The following CDH18 variants were observed in gnomAD, a reference collection of about 807,000 sequenced individuals.
The protein encoded by CDH18 is cadherin 18, also known as cadherin-18.
A neutral mutation model predicts 67.9 loss-of-function variants in CDH18; 31 were observed. That is an observed-to-expected ratio of 0.46 (90% confidence interval 0.34 to 0.62). The LOEUF is 0.62. Among genes scored for constraint, CDH18 ranks in the 20% least tolerant of loss-of-function variants. The probability of loss-of-function intolerance (pLI) is 0.01; values close to 1 mark genes in which losing one functional copy is unlikely to be tolerated. For missense variants in CDH18, 890 were observed against 975.5 expected, an observed-to-expected ratio of 0.91 and a Z score of 1.17; for synonymous variants, 362 against 347.2, an observed-to-expected ratio of 1.04 and a Z score of -0.48.
rs368998098 is a variant in CDH18, at chr5:20,074,959, T to C, written c.-517-82945A>G. On this transcript the variant is annotated intron_variant, in intron 2 of 14. Transcript: ENST00000507958. ...TAAATACCTATATTATTGTCTATGA[T>C]AGATTCAGTATCTGAAACCTATGCA... Among the ~76,000 whole-genome samples, 66 of 152,326 alleles carry C rather than the reference T, an allele frequency of 4.3e-4. 3 individuals are homozygous for C. The East Asian group carries it at 0.012, about 29-fold the overall frequency.
intron 10 of CDH18, among the ~76,000 whole-genome samples, chr5:19,512,252 G>A (rs1745241486): frequency 2.6e-5 from 4 of 152,100 alleles, no homozygotes; most frequent in Admixed American, 1.3e-4. Flanking sequence ...AAATGATCTT[G>A]AAATTTAAAA....
At chr5:20,054,740 T>G (rs151179055) in intron 2 of CDH18, among the ~76,000 whole-genome samples, 18 of 152,324 alleles carry the variant, frequency 1.2e-4, no homozygotes, top group African/African-American at 4.3e-4. Flanking sequence ...GTCTCTCAAT[T>G]TTTTAGTTAC....
chr5:20,156,894 A>C (rs1050898364), intron 2 of CDH18, among the ~76,000 whole-genome samples: 14 of 152,224 alleles, frequency 9.2e-5, no homozygotes, highest in African/African-American at 2.7e-4. Context: ...TTAAAATGCC[A>C]ATACATCTAA....
At chr5:20,201,609 A>C (rs1289910620) in intron 2 of CDH18, among the ~76,000 whole-genome samples, 2 of 152,168 alleles carry the variant, frequency 1.3e-5, no homozygotes, top group African/African-American at 4.8e-5. Context: ...ACATATAACA[A>C]ACAGTATCTA....
At chr5:19,954,638 T>C (rs751951278) in intron 2 of CDH18, among the ~76,000 whole-genome samples, 1 of 151,932 alleles carries the variant, frequency 6.6e-6, no homozygotes, top group Non-Finnish European at 1.5e-5. Flanking sequence ...GAGACCAAGA[T>C]AACCAATCTG....
intron 6 of CDH18, 54 bp downstream of exon 6, chr5:19,612,380 T>G: frequency 1.3e-6 from 2 of 1,550,412 alleles, no homozygotes; most frequent in Non-Finnish European, 1.8e-6. Context: ...TATTTCATTT[T>G]ACTTTACATA....
chr5:19,957,800 CTATT>C (rs777486148), intron 2 of CDH18, among the ~76,000 whole-genome samples: 8 of 151,696 alleles, frequency 5.3e-5, no homozygotes, highest in South Asian at 2.1e-4. Flanking sequence ...CAATAGAAGA[CTATT>C]TATTTTCAGA....
chr5:19,571,662 C>T lies in CDH18; in HGVS notation c.1170G>A (p.Met390Ile). ...CAATCTTGGCATTTTCGTAGACTTC[C>T]ATGAGGTAGGAAGGCATGGAAAATA... is the stretch of plus-strand genomic sequence containing the variant. ...PPLFSMPSYLMEVYENAKIGT... is the reference protein window; with the variant it reads ...PPLFSMPSYLIEVYENAKIGT... Residue 390 changes from methionine to isoleucine, a missense_variant, in exon 8 of 13, where the codon ATG (methionine) becomes ATA (isoleucine). Coordinates refer to ENST00000382275, the MANE Select transcript of CDH18 (RefSeq NM_004934.5). 1.2e-6 allele frequency: 2 copies of T among 1,613,876 alleles called. No homozygotes were observed. Among genetic ancestry groups the T allele is most frequent in the Non-Finnish European group, 1.7e-6 (2 of 1,179,886 alleles).
At chr5:19,611,563 A>G (rs1372927749) in intron 6 of CDH18, among the ~76,000 whole-genome samples, 1 of 152,060 alleles carries the variant, frequency 6.6e-6, no homozygotes, top group African/African-American at 2.4e-5. Context: ...AAGAGACAAG[A>G]GATAAAGTTG....
chr5:20,266,571 A>ATTTTTTTTTTTTTTTT lies in CDH18; in HGVS notation c.-579-11082_-579-11067dup, dbSNP rs34718835. Among the ~76,000 whole-genome samples the ATTTTTTTTTTTTTTTT allele has an allele frequency of 1.1e-3, 65 of 59,186 alleles. 2 individuals carry two copies. Among genetic ancestry groups the ATTTTTTTTTTTTTTTT allele is most frequent in the African/African-American group, 3.2e-3 (45 of 14,118 alleles). 38.8% of individuals were successfully genotyped at this position (59,186 alleles called of 152,430 possible). ...GGCACGTGCCGGCACGCCCGGCTGA[A>ATTTTTTTTTTTTTTTT]TTTTTTTTTTTTTTTTTTTTTTTTT... On this transcript the variant is annotated intron_variant, in intron 1 of 14. Coordinates refer to the CDH18 transcript ENST00000507958.
At chr5:19,929,525 C>T (rs148785144) in intron 2 of CDH18, among the ~76,000 whole-genome samples, 293 of 152,166 alleles carry the variant, frequency 1.9e-3, no homozygotes, top group African/African-American at 6.4e-3. Flanking sequence ...GGAGGCATTA[C>T]GGACACCTTC....
intron 2 of CDH18, among the ~76,000 whole-genome samples, chr5:20,040,656 A>C (rs1343382944): frequency 6.6e-6 from 1 of 152,112 alleles, no homozygotes; most frequent in Non-Finnish European, 1.5e-5. Flanking sequence ...CTTGTTGTTC[A>C]TTCAAAGGGA....
chr5:19,508,301 A>G (rs1744557254), intron 10 of CDH18, among the ~76,000 whole-genome samples: 1 of 152,110 alleles, frequency 6.6e-6, no homozygotes, highest in Admixed American at 6.6e-5. Context: ...AGATATCTAG[A>G]TAATTGCCAG....
intron 8 of CDH18, among the ~76,000 whole-genome samples, chr5:19,549,367 G>A (rs1736931638): frequency 6.6e-6 from 1 of 152,122 alleles, no homozygotes; most frequent in African/African-American, 2.4e-5. Flanking sequence ...AGTTCTCTGA[G>A]GCCAGAAGCA....
intron 1 of CDH18, among the ~76,000 whole-genome samples, chr5:20,401,584 T>C (rs1193228342): frequency 6.6e-6 from 1 of 152,166 alleles, no homozygotes; most frequent in East Asian, 1.9e-4. Context: ...TTTTCTTCTT[T>C]CTCACATAAA....
intron 3 of CDH18, among the ~76,000 whole-genome samples, chr5:19,788,128 C>G (rs1776007299): frequency 6.6e-6 from 1 of 152,018 alleles, no homozygotes; most frequent in Admixed American, 6.6e-5. Flanking sequence ...GAATAAGCAG[C>G]TGAAAAATTA....
At chr5:19,874,399 CACAACAACTTTATGAAACTATA>C (rs546956214) in intron 2 of CDH18, among the ~76,000 whole-genome samples, 115 of 152,240 alleles carry the variant, frequency 7.6e-4, no homozygotes, top group Admixed American at 3.3e-3. Flanking sequence ...TAATATCTTC[CACAACAACTTTATGAAACTATA>C]ACAAAGCATT....
chr5:19,490,182 T>C (rs374103798), intron 11 of CDH18, among the ~76,000 whole-genome samples: 194 of 152,040 alleles, frequency 1.3e-3, no homozygotes, highest in East Asian at 2.9e-3. Flanking sequence ...TTTTAACAAG[T>C]GAATGTATAA....
rs368206822 is a variant in CDH18 at position 20,256,976 on chromosome 5, CTA to C, written c.-579-1473_-579-1472del. On this transcript the variant is annotated intron_variant, in intron 1 of 14. Transcript: ENST00000507958. ...ATCTATCTATCTAATCTATCTATATCTATATCTATATCTATCTATCTATCTAT... is the reference window on the plus strand; with the variant it reads ...ATCTATCTATCTAATCTATCTATATCTATCTATATCTATCTATCTATCTAT... 1.7e-3 allele frequency among the ~76,000 whole-genome samples: 109 copies of C among 63,782 alleles called. 1 individual carries two copies. In the South Asian group the frequency reaches 0.018, roughly 10 times the overall value. 41.8% of individuals were successfully genotyped at this position (63,782 alleles called of 152,430 possible).
Sources: gnomAD v4.1 joint callset for allele counts (sites outside exome capture counted in the v4.1 genomes callset) on GRCh38, gnomAD v4.1.1 for gene constraint, MANE v1.5 for transcripts, NCBI Gene and HGNC (gene_info 2026-07-23, HGNC 2026-07-21) for gene names.